UMODL1: variants seen among roughly 807,000 people sequenced by gnomAD.
UMODL1 encodes uromodulin like 1.
Under a neutral mutation model 136.3 loss-of-function variants are expected in UMODL1, and 128 were observed. The ratio of observed to expected loss-of-function variants is 0.94; its 90% CI spans 0.81 to 1.09. The LOEUF (loss-of-function observed/expected upper bound fraction) is 1.09. Among genes scored for constraint, UMODL1 ranks in the 50% least tolerant of loss-of-function variants. UMODL1 has a pLI of 0.00. For synonymous variants in UMODL1, 721 were observed against 720.0 expected (o/e 1.00, Z -0.02); for missense variants, 1,766 against 1,725.6 (o/e 1.02, Z -0.41).
chr21:42,078,638 AAACC>A lies in UMODL1; in HGVS notation c.319+2393_319+2396del, dbSNP rs1370884666. Among the ~76,000 whole-genome samples, 16 of 67,276 alleles carry A rather than the reference AAACC, an allele frequency of 2.4e-4. 1 individual carries two copies. Among genetic ancestry groups the A allele is most frequent in the Admixed American group, 4.7e-4 (4 of 8,540 alleles). 44.1% of individuals were successfully genotyped at this position (67,276 alleles called of 152,430 possible). On this transcript the variant is annotated intron_variant, in intron 2 of 22. Transcript: ENST00000408910. Reference sequence around the variant, plus strand: ...AGAGCAACACCTCCATCACCAACAGAAACCAGGCGGGGCCAGCTGACCCCAGAGC... The same window carrying A: ...AGAGCAACACCTCCATCACCAACAGAAGGCGGGGCCAGCTGACCCCAGAGC...
chr21:42,121,112 G>C lies in UMODL1; in HGVS notation c.2715G>C (p.Glu905Asp). Residue 905 changes from glutamate (E) to aspartate (D), a missense_variant, in exon 16 of 23, where the codon GAG (glutamate) becomes GAC (aspartate). Coordinates refer to ENST00000408910, the MANE Select transcript of UMODL1 (RefSeq NM_001004416.3). ...ATTACGATGAGTGTGAAAGGAAGGA[G>C]GACGACTGTGTGCCGGGGACATCCT... ...IQDYDECERK[E>D]DDCVPGTSCR... 1 of 1,613,900 alleles carries C rather than the reference G, an allele frequency of 6.2e-7. No homozygotes were observed. Among genetic ancestry groups the C allele is most frequent in the Non-Finnish European group, 8.5e-7 (1 of 1,179,912 alleles).
rs1261230497 is a variant in UMODL1, at chr21:42,123,137, C to T, written c.3134C>T (p.Thr1045Ile). The T allele has an allele frequency of 6.2e-7, 1 of 1,613,010 alleles. No homozygotes were observed. Among genetic ancestry groups the T allele is most frequent in the Non-Finnish European group, 8.5e-7 (1 of 1,179,378 alleles). The change falls in exon 17 of 23, where the codon ACC (threonine) becomes ATC (isoleucine). Residue 1045 changes from threonine to isoleucine, a missense_variant. Transcript: ENST00000408910. The surrounding 1 kb of genome is among the most constrained non-coding windows in gnomAD (Gnocchi z 4.4). Reference protein sequence around the residue: ...LLEAGWSECGTLMQSNMTNTV... With the variant: ...LLEAGWSECGILMQSNMTNTV... ...GAGGCCGGCTGGAGCGAGTGTGGGACCCTCATGCAGAGCGTAAGACCAGGA... is the reference window on the plus strand; with the variant it reads ...GAGGCCGGCTGGAGCGAGTGTGGGATCCTCATGCAGAGCGTAAGACCAGGA...
At chr21:42,140,248 T>A (rs552375218) in intron 22 of UMODL1, among the ~76,000 whole-genome samples, 2 of 152,010 alleles carry the variant, frequency 1.3e-5, no homozygotes, top group African/African-American at 2.4e-5. Flanking sequence ...GAGGTTGTGC[T>A]GTTATTAGCA....
chr21:42,113,069 C>T (rs1272189176), intron 12 of UMODL1: 1 of 153,210 alleles, frequency 6.5e-6, no homozygotes, highest in Admixed American at 6.5e-5. Context: ...TTCCTCAATG[C>T]ATTTCCTCTG....
At chr21:42,117,339 C>G (rs147272642) in intron 14 of UMODL1, among the ~76,000 whole-genome samples, 2 of 152,326 alleles carry the variant, frequency 1.3e-5, no homozygotes, top group South Asian at 2.1e-4. Context: ...ATTCACCGAG[C>G]GCACTGGGCG....
intron 1 of UMODL1, among the ~76,000 whole-genome samples, chr21:42,072,412 C>CT (rs1248518115): frequency 1.3e-5 from 2 of 152,170 alleles, no homozygotes; most frequent in Non-Finnish European, 2.9e-5. Context: ...CAGGATTTTG[C>CT]TTTGTGATTT....
intron 1 of UMODL1, among the ~76,000 whole-genome samples, chr21:42,064,093 G>A (rs914602289): frequency 2.6e-5 from 4 of 152,194 alleles, no homozygotes; most frequent in Non-Finnish European, 2.9e-5. Flanking sequence ...CGAGCCCGAG[G>A]TGAATGTCCC....
exon 1 of UMODL1, chr21:42,063,193 T>A (rs922285805): frequency 5.9e-5 from 9 of 152,296 alleles, no homozygotes; most frequent in African/African-American, 1.9e-4. Context: ...AAATTACATC[T>A]GCAAAAAGAC....
chr21:42,088,732 C>T (rs1311480586), intron 5 of UMODL1, among the ~76,000 whole-genome samples: 1 of 151,954 alleles, frequency 6.6e-6, no homozygotes, highest in Admixed American at 6.5e-5. Context: ...TCCCGCCCCT[C>T]TCCTCTTCCC....
At position 42,129,762 on chromosome 21, in the gene UMODL1, A is replaced by C; in HGVS notation, c.3740A>C (p.His1247Pro). The C allele has an allele frequency of 6.3e-7, 1 of 1,594,950 alleles. No individual in the cohort carries two copies. The highest frequency in any genetic ancestry group is 8.5e-7 in the Non-Finnish European group (1 of 1,172,890). ...CAAAATAGTGAAACCTCTGCCACAC[A>C]CCAGATGTCCTGGGGACCCCTCATC... ...LLQNSETSAT[H>P]QMSWGPLIRS... Residue 1247 changes from histidine to proline, a missense_variant, in exon 21 of 23, where the codon CAC becomes CCC. Coordinates refer to ENST00000408910, the MANE Select transcript of UMODL1 (RefSeq NM_001004416.3).
intron 18 of UMODL1, 46 bp from the exon 19 acceptor site, chr21:42,126,960 A>G: frequency 6.7e-7 from 1 of 1,492,318 alleles, no homozygotes; most frequent in East Asian, 2.3e-5. Flanking sequence ...GGCCACGATA[A>G]TGCGCCTCCT....
rs551238445 is a variant in UMODL1, at chr21:42,130,250, G to C, written c.3775+453G>C. 3.9e-5 allele frequency among the ~76,000 whole-genome samples: 6 copies of C among 152,234 alleles called. 1 individual carries two copies. The highest frequency in any genetic ancestry group is 3.9e-4 in the Admixed American group (6 of 15,298). On this transcript the variant is annotated intron_variant, in intron 21 of 22. Coordinates refer to ENST00000408910, the MANE Select transcript of UMODL1 (RefSeq NM_001004416.3). ...TGTGTGTGTGTGTGTGTGTGTGCGT[G>C]CACACGAATGTGCATGCACAAGGAA...
chr21:42,074,968 C>T (rs1249997073), intron 1 of UMODL1, among the ~76,000 whole-genome samples: 2 of 151,892 alleles, frequency 1.3e-5, no homozygotes, highest in East Asian at 3.9e-4. Flanking sequence ...GTGGCGCAAT[C>T]TTGGCTCACT....
rs771487171 is a variant in UMODL1, at chr21:42,121,078, G to A, written c.2690-9G>A. ...TGTTCTTCTGTTTTGTCTTCTAAAT[G>A]TTGTGCAGATTACGATGAGTGTGAA... is the stretch of plus-strand genomic sequence containing the variant. On this transcript the variant is annotated splice_polypyrimidine_tract_variant and intron_variant, in intron 15 of 22. Coordinates refer to ENST00000408910, the MANE Select transcript of UMODL1 (RefSeq NM_001004416.3). 1.2e-6 allele frequency: 2 copies of A among 1,610,938 alleles called. No individual in the cohort carries two copies. Among genetic ancestry groups the A allele is most frequent in the East Asian group, 4.5e-5 (2 of 44,746 alleles).
At chr21:42,095,087 C>CTTTTTTTTTTTTTTT (rs1569151178) in intron 6 of UMODL1, among the ~76,000 whole-genome samples, 1 of 34,072 alleles carries the variant, frequency 2.9e-5, no homozygotes, top group East Asian at 1.8e-3. Flanking sequence ...TTTTCTTCTG[C>CTTTTTTTTTTTTTTT]TGTTTTTTTT....
At chr21:42,102,460 T>C (rs1440817596) in intron 8 of UMODL1, 182 bp downstream of exon 8, 1 of 501,930 alleles carries the variant, frequency 2.0e-6, no homozygotes. Flanking sequence ...TCCCCCTGCT[T>C]TTATGGGGTA....
At chr21:42,066,361 C>A (rs1414440529), upstream of UMODL1, among the ~76,000 whole-genome samples, 1 of 152,232 alleles carries the variant, frequency 6.6e-6, no homozygotes, top group Non-Finnish European at 1.5e-5. Context: ...CGGCTCACTG[C>A]AACCTCCACC....
At chr21:42,063,846 C>T (rs976734482) in intron 1 of UMODL1, among the ~76,000 whole-genome samples, 7 of 152,192 alleles carry the variant, frequency 4.6e-5, no homozygotes, top group African/African-American at 1.7e-4. Context: ...CCGTGTGCAC[C>T]AGCCTCCCAT....
Position 42,085,858 on chromosome 21 carries a change from A to C in UMODL1, c.603+446A>C, listed in dbSNP as rs973904689. Among the ~76,000 whole-genome samples, 1 of 152,116 alleles carries C rather than the reference A, an allele frequency of 6.6e-6. No homozygotes were observed. Among genetic ancestry groups the C allele is most frequent in the Non-Finnish European group, 1.5e-5 (1 of 68,018 alleles). On this transcript the variant is annotated intron_variant, in intron 4 of 22. Transcript: ENST00000408910. The surrounding 1 kb of genome is among the most constrained non-coding windows in gnomAD (Gnocchi z 4.5). ...GAACCGTAGCCCAGGGCTGGAGAGC[A>C]CCCTGGGGTCTGATGGTTAGCAGCG...
Sources: allele counts gnomAD v4.1 joint callset (sites outside exome capture counted in the v4.1 genomes callset), GRCh38; gene constraint gnomAD v4.1.1; non-coding constraint Gnocchi (gnomAD v3.1); transcripts MANE v1.5; gene names NCBI Gene and HGNC (gene_info 2026-07-23, HGNC 2026-07-21).